Variants in ADAMTS6 observed in about 807,000 individuals in gnomAD.
ADAMTS6 encodes A disintegrin and metalloproteinase with thrombospondin motifs 6.
Under a neutral mutation model 144.3 loss-of-function variants are expected in ADAMTS6, and 23 were observed. The observed-to-expected ratio is 0.16, with a 90% confidence interval of 0.11 to 0.23. The LOEUF is 0.23. ADAMTS6 is among the 10% of genes least tolerant of loss of function. ADAMTS6 has a pLI of 1.00. For missense variants in ADAMTS6, 999 were observed against 1,379.6 expected (o/e 0.72, Z 4.37); for synonymous variants, 444 against 457.5 (o/e 0.97, Z 0.38).
chr5:65,363,038 G>A (rs1485589930), intron 7 of ADAMTS6, among the ~76,000 whole-genome samples: 3 of 152,054 alleles, frequency 2.0e-5, no homozygotes, highest in African/African-American at 7.2e-5. Context: ...TCATAAAGAT[G>A]TACCCCAAGA....
intron 11 of ADAMTS6, among the ~76,000 whole-genome samples, chr5:65,279,911 A>G (rs1300280584): frequency 6.6e-6 from 1 of 152,102 alleles, no homozygotes. Context: ...TTTGTATTCA[A>G]GCTTATCTTC....
At chr5:65,366,104 T>C (rs1750288140) in intron 7 of ADAMTS6, among the ~76,000 whole-genome samples, 1 of 152,268 alleles carries the variant, frequency 6.6e-6, no homozygotes, top group Non-Finnish European at 1.5e-5. Context: ...AAACCAATCA[T>C]TGCATCAGAT....
At chr5:65,423,268 T>C (rs1756226822) in intron 7 of ADAMTS6, among the ~76,000 whole-genome samples, 2 of 152,168 alleles carry the variant, frequency 1.3e-5, no homozygotes, top group African/African-American at 4.8e-5. Context: ...ACTTCATCCC[T>C]ATACAGTTCA....
chr5:65,474,092 T>G (rs1760668519), intron 1 of ADAMTS6, 140 bp from the exon 2 acceptor site: 3 of 336,536 alleles, frequency 8.9e-6, no homozygotes, highest in African/African-American at 6.4e-5. Flanking sequence ...CTTTATAGTC[T>G]AAATAAACAT....
At position 65,199,758 on chromosome 5, in the gene ADAMTS6, A is replaced by G. The variant is rs1392025739; in HGVS notation, c.2576-2607T>C. On this transcript the variant is annotated intron_variant, in intron 20 of 24. Coordinates refer to ENST00000381055, the MANE Select transcript of ADAMTS6 (RefSeq NM_197941.4). ...ATTCATTCATTCATTCAACAGAGAT[A>G]GTTACTAAACCAAAGCATTGTGTTT... Among the ~76,000 whole-genome samples the G allele has an allele frequency of 4.6e-5, 7 of 152,170 alleles. No individual in the cohort carries two copies. In the East Asian group the frequency reaches 7.7e-4, roughly 17 times the overall value.
At chr5:65,327,227 G>A (rs1746255909) in intron 9 of ADAMTS6, among the ~76,000 whole-genome samples, 1 of 152,140 alleles carries the variant, frequency 6.6e-6, no homozygotes, top group Admixed American at 6.6e-5. Flanking sequence ...TCCCTCACTA[G>A]AAGCAGATGC....
chr5:65,359,497 C>A (rs1749628472), intron 7 of ADAMTS6, among the ~76,000 whole-genome samples: 1 of 152,002 alleles, frequency 6.6e-6, no homozygotes, highest in African/African-American at 2.4e-5. Context: ...GTGTGGAGGA[C>A]CCTCCAAATT....
At chr5:65,461,971 T>C (rs180876174) in intron 3 of ADAMTS6, among the ~76,000 whole-genome samples, 26 of 152,260 alleles carry the variant, frequency 1.7e-4, no homozygotes, top group Non-Finnish European at 2.8e-4. Flanking sequence ...GTTGCTCTAA[T>C]TTATAGATTA....
chr5:65,162,672 G>C (rs1348448032), intron 24 of ADAMTS6, among the ~76,000 whole-genome samples: 1 of 150,894 alleles, frequency 6.6e-6, no homozygotes, highest in Non-Finnish European at 1.5e-5. Flanking sequence ...TGCAGAGAGA[G>C]ATCTATTTGT....
chr5:65,423,226 C>G (rs1194816147), intron 7 of ADAMTS6, among the ~76,000 whole-genome samples: 2 of 152,128 alleles, frequency 1.3e-5, no homozygotes, highest in African/African-American at 4.8e-5. Context: ...GCAATATACA[C>G]TCTTCAGGTG....
rs896701241 is a variant in ADAMTS6 at position 65,316,569 on chromosome 5, TA to T, written c.1223+12808del. 1.8e-4 allele frequency among the ~76,000 whole-genome samples: 27 copies of T among 152,200 alleles called. 2 individuals are homozygous for T. The highest frequency in any genetic ancestry group is 6.5e-4 in the African/African-American group (27 of 41,536). The stretch of plus-strand genomic sequence containing the variant: ...TGTCAGACTGGATTTAAAAAATGAC[TA>T]AACAACTATAAGCTGCTTAAAAGAA... On this transcript the variant is annotated intron_variant, in intron 9 of 24. Coordinates refer to ENST00000381055, the MANE Select transcript of ADAMTS6 (RefSeq NM_197941.4).
chr5:65,316,321 A>T (rs1249625146), intron 9 of ADAMTS6, among the ~76,000 whole-genome samples: 4 of 152,214 alleles, frequency 2.6e-5, no homozygotes, highest in Non-Finnish European at 5.9e-5. Flanking sequence ...CAATTAACTT[A>T]ATCCAAATGA....
At chr5:65,331,944 G>A (rs1480902058) in intron 8 of ADAMTS6, among the ~76,000 whole-genome samples, 2 of 151,704 alleles carry the variant, frequency 1.3e-5, no homozygotes, top group African/African-American at 4.8e-5. Context: ...TATTGAGCTT[G>A]AAAGTGCATT....
rs748929685 is a variant in ADAMTS6, at chr5:65,334,014, AAAAAAAAAAAAAC to A, written c.1117+15_1117+27del. ...ACCTTTATTAAAAAAAAAAAAAAAA[AAAAAAAAAAAAAC>A]CAAAAAAAACTTACCCAGTGTTCCA... is the stretch of plus-strand genomic sequence containing the variant. On this transcript the variant is annotated intron_variant, in intron 8 of 24. Transcript: ENST00000381055. The A allele has an allele frequency of 1.4e-6, 2 of 1,407,482 alleles. No homozygotes were observed. Among genetic ancestry groups the A allele is most frequent in the African/African-American group, 1.5e-5 (1 of 65,422 alleles). The allele number at this position is 1,407,482 out of a possible 1,614,324, so 87.2% of individuals were successfully genotyped here. A position where few individuals can be genotyped will look rare whatever the true frequency, so the allele number is the denominator to read the frequency against.
At chr5:65,297,881 CT>C (rs1394571264) in intron 10 of ADAMTS6, among the ~76,000 whole-genome samples, 1 of 152,146 alleles carries the variant, frequency 6.6e-6, no homozygotes, top group Non-Finnish European at 1.5e-5. Flanking sequence ...ATAGTTTTAA[CT>C]TTGTGAGCAT....
At chr5:65,159,634 T>A (rs1415144584) in intron 24 of ADAMTS6, among the ~76,000 whole-genome samples, 1 of 152,246 alleles carries the variant, frequency 6.6e-6, no homozygotes, top group African/African-American at 2.4e-5. Context: ...GCACTCATGG[T>A]CACTTCTTGC....
chr5:65,215,378 A>G lies in ADAMTS6; in HGVS notation c.2382T>C (p.Asp794=), dbSNP rs1756842067. 1 of 1,614,014 alleles carries G rather than the reference A, an allele frequency of 6.2e-7. No individual in the cohort carries two copies. Among genetic ancestry groups the G allele is most frequent in the African/African-American group, 1.3e-5 (1 of 74,940 alleles). The change falls in exon 19 of 25, where the codon GAT becomes GAC. Residue 794 remains aspartate (D), a synonymous_variant. Transcript: ENST00000381055. ...CTAGAGCTTCCAAGGATTCTGGTTC[A>G]TCAGTTGGTCTCTTGTAATGAAAAG... is the stretch of plus-strand genomic sequence containing the variant. ...GTAFHYKRPT[D]EPESLEALGP...
At chr5:65,382,604 G>A (rs1227362803) in intron 7 of ADAMTS6, among the ~76,000 whole-genome samples, 2 of 152,202 alleles carry the variant, frequency 1.3e-5, no homozygotes, top group Non-Finnish European at 2.9e-5. Flanking sequence ...TGGGGACCTG[G>A]CACTTTATTG....
intron 14 of ADAMTS6, among the ~76,000 whole-genome samples, chr5:65,254,138 C>T (rs138294041): frequency 4.9e-4 from 74 of 152,156 alleles, no homozygotes; most frequent in Admixed American, 1.4e-3. Context: ...AGCCACCACG[C>T]CCGGCCACAT....
Sources: gnomAD v4.1 joint callset for allele counts (sites outside exome capture counted in the v4.1 genomes callset) on GRCh38, gnomAD v4.1.1 for gene constraint, MANE v1.5 for transcripts, NCBI Gene and HGNC (gene_info 2026-07-23, HGNC 2026-07-21) for gene names.